The following CRADD variants were observed in gnomAD, a reference collection of about 807,000 sequenced individuals.
CRADD encodes the protein CARD and death domain containing adaptor protein, also known as death domain-containing protein CRADD.
CRADD carries 9 observed loss-of-function variants against 15.5 expected under a neutral mutation model. That is an observed-to-expected ratio of 0.58 (90% CI 0.35 to 1.01). The LOEUF (loss-of-function observed/expected upper bound fraction) is 1.01. CRADD is among the 50% of genes least tolerant of loss of function. The pLI, the probability that CRADD is intolerant of heterozygous loss-of-function variation, is 0.02. For synonymous variants in CRADD, 118 were observed against 107.6 expected, an observed-to-expected ratio of 1.10 and a Z score of -0.60; for missense variants, 227 against 250.3, an observed-to-expected ratio of 0.91 and a Z score of 0.63.
intron 2 of CRADD, among the ~76,000 whole-genome samples, chr12:93,868,686 G>GCACACACACACACA (rs570970896): frequency 7.9e-4 from 113 of 142,914 alleles, no homozygotes; most frequent in Middle Eastern, 3.6e-3. Context: ...TCTCTCTCTT[G>GCACACACACACACA]CACACACACA....
intron 2 of CRADD, among the ~76,000 whole-genome samples, chr12:93,761,778 G>A (rs1956967365): frequency 1.3e-5 from 2 of 152,152 alleles, no homozygotes; most frequent in Admixed American, 1.3e-4. Flanking sequence ...TTCATTTCAT[G>A]ACAAATAGGA....
chr12:93,816,383 A>ATTTTTTTTTT (rs61294048), intron 2 of CRADD, among the ~76,000 whole-genome samples: 15 of 122,080 alleles, frequency 1.2e-4, no homozygotes, highest in African/African-American at 1.7e-4. Context: ...TGCCTGGCTA[A>ATTTTTTTTTT]TTTTTTTTTT....
At chr12:93,688,553 A>G (rs1269742276) in intron 2 of CRADD, among the ~76,000 whole-genome samples, 1 of 151,948 alleles carries the variant, frequency 6.6e-6, no homozygotes, top group African/African-American at 2.4e-5. Flanking sequence ...TTCAGATAAC[A>G]TCAGTAAAAT....
chr12:93,724,619 C>T (rs988573748), intron 2 of CRADD, among the ~76,000 whole-genome samples: 1 of 151,966 alleles, frequency 6.6e-6, no homozygotes, highest in African/African-American at 2.4e-5. Flanking sequence ...CATTTTTTGC[C>T]TTTGAAAAAA....
intron 2 of CRADD, among the ~76,000 whole-genome samples, chr12:93,841,647 C>T (rs1262437429): frequency 6.6e-6 from 1 of 152,208 alleles, no homozygotes; most frequent in Admixed American, 6.5e-5. Context: ...TTTCACTCCT[C>T]CTACCCCGTG....
chr12:93,679,621 G>A (rs1955238474), intron 2 of CRADD, among the ~76,000 whole-genome samples: 1 of 152,176 alleles, frequency 6.6e-6, no homozygotes, highest in Admixed American at 6.5e-5. Flanking sequence ...GAGGGAGGGA[G>A]CTCAGAGAAT....
At chr12:93,724,378 CA>C (rs58599421) in intron 2 of CRADD, among the ~76,000 whole-genome samples, 60,204 of 131,918 alleles carry the variant, frequency 0.46, 12,609 homozygotes, top group East Asian at 0.66. Context: ...GACCCTGTCT[CA>C]AAAAAAAAAA....
rs960493563 is a variant in CRADD, at chr12:93,689,611, T to C, written c.298+10539T>C. ...TAACTCCTTCTAAGAAGTGCCAAGT[T>C]GACAATTCCTGGAAATGTTCATGTT... On this transcript the variant is annotated intron_variant, in intron 2 of 2. Coordinates refer to ENST00000332896, the MANE Select transcript of CRADD (RefSeq NM_003805.5). Among the ~76,000 whole-genome samples the C allele has an allele frequency of 4.6e-5, 7 of 152,224 alleles. No homozygotes were observed. In the South Asian group the frequency reaches 1.4e-3, roughly 32 times the overall value.
intron 2 of CRADD, among the ~76,000 whole-genome samples, chr12:93,845,281 G>C (rs76980751): frequency 6.6e-6 from 1 of 152,350 alleles, no homozygotes; most frequent in East Asian, 1.9e-4. Context: ...CCTATAAAGT[G>C]AGGAGAGTGT....
At chr12:93,857,707 G>C (rs1441304276) in intron 2 of CRADD, among the ~76,000 whole-genome samples, 1 of 152,222 alleles carries the variant, frequency 6.6e-6, no homozygotes. Flanking sequence ...TATGACGGAA[G>C]AAGGCAAAGG....
intron 2 of CRADD, among the ~76,000 whole-genome samples, chr12:93,694,016 A>G (rs1681855011): frequency 6.6e-6 from 1 of 152,122 alleles, no homozygotes; most frequent in Admixed American, 6.5e-5. Context: ...AAAGCTAGAT[A>G]AGGATACAAG....
At chr12:93,830,397 G>A (rs1957880499) in intron 2 of CRADD, among the ~76,000 whole-genome samples, 1 of 152,194 alleles carries the variant, frequency 6.6e-6, no homozygotes, top group Non-Finnish European at 1.5e-5. Context: ...AAAGAAGGTA[G>A]CAGGTAGTGA....
At chr12:93,883,252 T>C (rs1490674277) in intron 2 of CRADD, among the ~76,000 whole-genome samples, 1 of 152,248 alleles carries the variant, frequency 6.6e-6, no homozygotes, top group Non-Finnish European at 1.5e-5. Context: ...TTCTCTTTTA[T>C]TTCCACATGT....
At chr12:93,781,787 A>G (rs1275825471) in intron 2 of CRADD, among the ~76,000 whole-genome samples, 2 of 152,248 alleles carry the variant, frequency 1.3e-5, no homozygotes, top group East Asian at 1.9e-4. Context: ...CTACAAGGGT[A>G]CAGATCAGCC....
At chr12:93,680,345 TA>T (rs1022504121) in intron 2 of CRADD, among the ~76,000 whole-genome samples, 1 of 152,000 alleles carries the variant, frequency 6.6e-6, no homozygotes, top group East Asian at 1.9e-4. Context: ...AAATACTGGT[TA>T]AAAAAAATGA....
intron 2 of CRADD, among the ~76,000 whole-genome samples, chr12:93,889,188 G>T (rs117467613): frequency 6.6e-6 from 1 of 152,208 alleles, no homozygotes; most frequent in African/African-American, 2.4e-5. Flanking sequence ...TGTGCTTGTC[G>T]GACCATATGC....
At chr12:93,758,586 G>A (rs1028415739) in intron 2 of CRADD, among the ~76,000 whole-genome samples, 21 of 151,550 alleles carry the variant, frequency 1.4e-4, no homozygotes, top group Non-Finnish European at 2.9e-4. Context: ...AATATTTGTG[G>A]TTCTTTATAG....
chr12:93,692,059 A>C (rs1456375345), intron 2 of CRADD, among the ~76,000 whole-genome samples: 1 of 152,166 alleles, frequency 6.6e-6, no homozygotes, highest in Non-Finnish European at 1.5e-5. Context: ...AATTAAAATT[A>C]AATTCTGGAG....
At chr12:93,699,711 T>C (rs1211160401) in intron 2 of CRADD, among the ~76,000 whole-genome samples, 3 of 152,234 alleles carry the variant, frequency 2.0e-5, no homozygotes, top group Non-Finnish European at 4.4e-5. Context: ...GTACTATTAA[T>C]ATTTCTGTCT....
Sources: gnomAD v4.1 joint callset for allele counts (sites outside exome capture counted in the v4.1 genomes callset) on GRCh38, gnomAD v4.1.1 for gene constraint, MANE v1.5 for transcripts, NCBI Gene and HGNC (gene_info 2026-07-23, HGNC 2026-07-21) for gene names.